CDK13: variants seen among roughly 807,000 people sequenced by gnomAD.
CDK13 encodes cyclin dependent kinase 13, also known as cyclin-dependent kinase 13.
CDK13 carries 40 observed loss-of-function variants against 137.6 expected under a neutral mutation model. The ratio of observed to expected loss-of-function variants is 0.29; its 90% CI spans 0.23 to 0.38. The LOEUF (loss-of-function observed/expected upper bound fraction) is 0.38. Among genes scored for constraint, CDK13 ranks in the 10% least tolerant of loss-of-function variants. The probability of loss-of-function intolerance (pLI) is 1.00; values close to 1 mark genes in which losing one functional copy is unlikely to be tolerated. For missense variants in CDK13, 1,704 were observed against 1,951.8 expected (o/e 0.87, Z 2.39); for synonymous variants, 869 against 760.1 (o/e 1.14, Z -2.36).
chr7:39,982,087 C>T (rs1430539836), intron 1 of CDK13, among the ~76,000 whole-genome samples: 1 of 148,888 alleles, frequency 6.7e-6, no homozygotes, highest in Admixed American at 6.7e-5. Flanking sequence ...CATATGTATA[C>T]ATGTGCCATG....
intron 1 of CDK13, among the ~76,000 whole-genome samples, chr7:39,954,129 A>G (rs1787330251): frequency 6.6e-6 from 1 of 152,186 alleles, no homozygotes. Flanking sequence ...GCACACGTGT[A>G]TGCTAACCCT....
At position 39,950,547 on chromosome 7, in the gene CDK13, T is replaced by C. The variant is rs2116043935; in HGVS notation, c.-95T>C. The C allele has an allele frequency of 7.9e-7, 1 of 1,273,684 alleles. No individual in the cohort carries two copies. Among genetic ancestry groups the C allele is most frequent in the South Asian group, 2.6e-5 (1 of 38,262 alleles). 78.9% of individuals were successfully genotyped at this position (1,273,684 alleles called of 1,614,324 possible). A position where few individuals can be genotyped will look rare whatever the true frequency, so the allele number is the denominator to read the frequency against. On this transcript the variant is annotated 5_prime_UTR_variant, in exon 1 of 14. Transcript: ENST00000181839. Reference sequence around the variant, plus strand: ...GGCCGGCTCTGGTGCTCGGTGTCCCTCCGCCGCCGCTCCCGTTTCCGGCGG... The same window carrying C: ...GGCCGGCTCTGGTGCTCGGTGTCCCCCCGCCGCCGCTCCCGTTTCCGGCGG...
At chr7:40,018,888 G>GA (rs571665081) in intron 5 of CDK13, among the ~76,000 whole-genome samples, 4 of 151,742 alleles carry the variant, frequency 2.6e-5, no homozygotes, top group Admixed American at 2.0e-4. Flanking sequence ...TATTAAAATT[G>GA]AAAAAAAATT....
chr7:40,024,478 A>AGTTGACTTGGCCAGCGTTTATTAT (rs1213000546), intron 5 of CDK13, among the ~76,000 whole-genome samples: 17 of 152,094 alleles, frequency 1.1e-4, no homozygotes, highest in Non-Finnish European at 1.9e-4. Flanking sequence ...AGGTTTTCTT[A>AGTTGACTTGGCCAGCGTTTATTAT]GTTGACTTGG....
chr7:40,056,585 T>C (rs1786024660), intron 7 of CDK13, among the ~76,000 whole-genome samples: 1 of 152,246 alleles, frequency 6.6e-6, no homozygotes, highest in African/African-American at 2.4e-5. Context: ...AACATATTCA[T>C]GTTTCATTTC....
Position 40,007,500 on chromosome 7 carries a change from C to T in CDK13, c.2353+5469C>T, listed in dbSNP as rs552447680. Among the ~76,000 whole-genome samples, 7 of 152,324 alleles carry T rather than the reference C, an allele frequency of 4.6e-5. No homozygotes were observed. The East Asian group carries it at 1.3e-3, about 29-fold the overall frequency. On this transcript the variant is annotated intron_variant, in intron 5 of 13. Coordinates refer to ENST00000181839, the MANE Select transcript of CDK13 (RefSeq NM_003718.5). Reference sequence around the variant, plus strand: ...GGAGTGCAGTGGTATGATCTTGGCTCACTGCGACCTCTGCCTCCCGGGTTC... The same window carrying T: ...GGAGTGCAGTGGTATGATCTTGGCTTACTGCGACCTCTGCCTCCCGGGTTC...
chr7:40,064,866 A>T (rs1456723594), intron 9 of CDK13, among the ~76,000 whole-genome samples: 2 of 145,858 alleles, frequency 1.4e-5, no homozygotes, highest in African/African-American at 5.1e-5. Context: ...GTCATGGCTC[A>T]CTGCAGCCTT....
At chr7:39,951,965 A>G in intron 1 of CDK13, 113 bp downstream of exon 1, 2 of 1,136,926 alleles carry the variant, frequency 1.8e-6, no homozygotes, top group Middle Eastern at 2.2e-4. Context: ...CACCGAGACG[A>G]GACAACACCG....
intron 5 of CDK13, among the ~76,000 whole-genome samples, chr7:40,030,292 G>GAA (rs1554331942): frequency 1.3e-5 from 2 of 149,956 alleles, no homozygotes; most frequent in East Asian, 3.9e-4. Context: ...GAGAGAGAGA[G>GAA]AAAGTCATTC....
At chr7:40,022,895 G>C (rs1249294859) in intron 5 of CDK13, among the ~76,000 whole-genome samples, 1 of 143,368 alleles carries the variant, frequency 7.0e-6, no homozygotes, top group Non-Finnish European at 1.5e-5. Context: ...AAATGGTTTT[G>C]AATTTCATAT....
intron 5 of CDK13, among the ~76,000 whole-genome samples, chr7:40,030,530 A>T (rs563535006): frequency 3.4e-5 from 5 of 146,182 alleles, no homozygotes; most frequent in African/African-American, 1.3e-4. Flanking sequence ...CCTCCTGAGC[A>T]GCTGGGATTA....
intron 1 of CDK13, among the ~76,000 whole-genome samples, chr7:39,975,266 T>G (rs867262294): frequency 1.6e-4 from 25 of 151,946 alleles, no homozygotes; most frequent in Non-Finnish European, 4.4e-5. Context: ...ATACAAAAAT[T>G]TGCCGGGCCT....
chr7:39,987,566 A>G (rs1430729667), intron 1 of CDK13, 33 bp from the exon 2 acceptor site: 29 of 1,518,028 alleles, frequency 1.9e-5, no homozygotes, highest in Non-Finnish European at 2.3e-5. Context: ...ACCTTTCTCA[A>G]TTACTGATTA....
intron 5 of CDK13, among the ~76,000 whole-genome samples, chr7:40,003,206 A>ACCCTCTCTCTCTCTCTCT (rs374470130): frequency 1.3e-5 from 1 of 79,864 alleles, no homozygotes; most frequent in Admixed American, 1.4e-4. Flanking sequence ...ACACACACAC[A>ACCCTCTCTCTCTCTCTCT]CTCTCTCTCT....
intron 2 of CDK13, among the ~76,000 whole-genome samples, chr7:39,989,015 T>G (rs1472977186): frequency 7.9e-6 from 1 of 126,266 alleles, no homozygotes; most frequent in Non-Finnish European, 1.6e-5. Context: ...ACCTGGGAGG[T>G]GGAGGTTGCA....
At chr7:40,026,999 G>T (rs1785256552) in intron 5 of CDK13, among the ~76,000 whole-genome samples, 1 of 146,484 alleles carries the variant, frequency 6.8e-6, no homozygotes, top group East Asian at 1.9e-4. Context: ...AATTTTAAAT[G>T]TTCTAAAAAC....
intron 1 of CDK13, among the ~76,000 whole-genome samples, chr7:39,969,563 A>G (rs1187110557): frequency 6.6e-6 from 1 of 152,184 alleles, no homozygotes; most frequent in Non-Finnish European, 1.5e-5. Flanking sequence ...TGGGAAGCGA[A>G]TGCTTGACTT....
chr7:39,988,459 T>G (rs1377804037), intron 2 of CDK13, among the ~76,000 whole-genome samples: 1 of 152,060 alleles, frequency 6.6e-6, no homozygotes, highest in African/African-American at 2.4e-5. Flanking sequence ...TACTAAGACA[T>G]TCAGGGAAAA....
chr7:39,996,981 A>AAAAAAAAAAAAAAAAG (rs1562719366), intron 2 of CDK13, among the ~76,000 whole-genome samples: 1 of 150,350 alleles, frequency 6.7e-6, no homozygotes, highest in African/African-American at 2.5e-5. Flanking sequence ...AAAAAAGAAA[A>AAAAAAAAAAAAAAAAG]AAAAAAAGAA....
Sources: allele counts gnomAD v4.1 joint callset (sites outside exome capture counted in the v4.1 genomes callset), GRCh38; gene constraint gnomAD v4.1.1; transcripts MANE v1.5; gene names NCBI Gene and HGNC (gene_info 2026-07-23, HGNC 2026-07-21).